Variants in BUB1 observed in about 807,000 individuals in gnomAD.
The protein encoded by BUB1 is BUB1 mitotic checkpoint serine/threonine kinase.
In BUB1, 84 loss-of-function variants were observed where a neutral mutation model predicts 135.2. The observed-to-expected ratio is 0.62, with a 90% CI of 0.52 to 0.74. The LOEUF (loss-of-function observed/expected upper bound fraction) is 0.74. Ranked by LOEUF, BUB1 falls within the 30% of genes least tolerant of loss-of-function variation. The pLI, the probability that BUB1 is intolerant of heterozygous loss-of-function variation, is 0.00. For synonymous variants in BUB1, 403 were observed against 434.4 expected, an observed-to-expected ratio of 0.93 and a Z score of 0.90; for missense variants, 1,162 against 1,288.3, an observed-to-expected ratio of 0.90 and a Z score of 1.50.
chr2:110,650,747 A>C lies in BUB1; in HGVS notation c.2002T>G (p.Ser668Ala). The change falls in exon 18 of 25, where the codon TCT becomes GCT. Residue 668 changes from serine (S) to alanine (A), a missense_variant. Transcript: ENST00000302759. ...AGTAAGGATGCTGAATACATGTGAG[A>C]CGACAAGGCCTGTTTTGGGCTTTTC... ...QEKSPKQALSSHMYSASLLRL... is the reference protein window; with the variant it reads ...QEKSPKQALSAHMYSASLLRL... 2 of 1,614,042 alleles carry C rather than the reference A, an allele frequency of 1.2e-6. No individual in the cohort carries two copies. Among genetic ancestry groups the C allele is most frequent in the Non-Finnish European group, 1.7e-6 (2 of 1,179,956 alleles).
Position 110,666,433 on chromosome 2 carries a change from T to C in BUB1, c.806-19A>G. 7.4e-7 allele frequency: 1 copy of C among 1,344,246 alleles called. No homozygotes were observed. The highest frequency in any genetic ancestry group is 9.7e-7 in the Non-Finnish European group (1 of 1,035,560). The allele number at this position is 1,344,246 out of a possible 1,614,324, so 83.3% of individuals were successfully genotyped here. Reference sequence around the variant, plus strand: ...TCATTTACTTTAGGAAAGATAGAAATGGTTTGCATGCAAAATTTAAATCCA... The same window carrying C: ...TCATTTACTTTAGGAAAGATAGAAACGGTTTGCATGCAAAATTTAAATCCA... On this transcript the variant is annotated intron_variant, in intron 8 of 24. Coordinates refer to ENST00000302759, the MANE Select transcript of BUB1 (RefSeq NM_004336.5).
In BUB1 at chr2:110,642,169, T is replaced by A. The variant is rs1234433177; in HGVS notation, c.2413A>T (p.Thr805Ser). The A allele has an allele frequency of 6.2e-7, 1 of 1,613,840 alleles. No individual in the cohort carries two copies. Among genetic ancestry groups the A allele is most frequent in the South Asian group, 1.1e-5 (1 of 91,036 alleles). ...EGAFAQVYEATQGDLNDAKNK... is the reference protein window; with the variant it reads ...EGAFAQVYEASQGDLNDAKNK... ...TTAGCATCATTCAGATCTCCCTGGG[T>A]AGCTTCGTACACCTGGGCAAAGGCT... The change falls in exon 20 of 25, where the codon ACC (threonine) becomes TCC (serine). Residue 805 changes from threonine to serine, a missense_variant. Transcript: ENST00000302759.
At chr2:110,647,484 T>G (rs1362995709) in intron 19 of BUB1, among the ~76,000 whole-genome samples, 1 of 151,962 alleles carries the variant, frequency 6.6e-6, no homozygotes. Context: ...CAAAGAATCA[T>G]ATAATCATAT....
Position 110,658,670 on chromosome 2 carries a change from T to C in BUB1, c.1349A>G (p.Gln450Arg), listed in dbSNP as rs1191670421. 3 of 1,614,212 alleles carry C rather than the reference T, an allele frequency of 1.9e-6. No individual in the cohort carries two copies. Among genetic ancestry groups the C allele is most frequent in the South Asian group, 1.1e-5 (1 of 91,082 alleles). The change falls in exon 12 of 25, where the codon CAG becomes CGG. Residue 450 changes from glutamine to arginine, a missense_variant. By Grantham distance (43) the Gln-to-Arg change is conservative. Coordinates refer to ENST00000302759, the MANE Select transcript of BUB1 (RefSeq NM_004336.5). ...TGGCTGCACTTTGGATGGCGTTGCC[T>C]GAACCATTCCCAGTGATGTGTTTGG... ...TTPNTSLGMV[Q>R]ATPSKVQPSP...
At chr2:110,666,469 G>C in intron 8 of BUB1, 55 bp from the exon 9 acceptor site, 1 of 1,243,090 alleles carries the variant, frequency 8.0e-7, no homozygotes, top group Non-Finnish European at 1.0e-6. Context: ...GGTCATCATA[G>C]GAATACATGC....
At chr2:110,658,839 T>C (rs1690005177) in intron 11 of BUB1, 97 bp from the exon 12 acceptor site, 2 of 1,467,732 alleles carry the variant, frequency 1.4e-6, no homozygotes, top group Admixed American at 3.9e-5. Flanking sequence ...AAACAGTTTG[T>C]CATTGTTAAA....
chr2:110,676,584 G>T (rs1690592698), intron 1 of BUB1: 1 of 152,106 alleles, frequency 6.6e-6, no homozygotes, highest in Non-Finnish European at 1.5e-5. Context: ...AACCTGTGTT[G>T]ACTGCTTAGA....
At chr2:110,657,143 A>G (rs1689954832) in intron 14 of BUB1, 26 bp from the exon 15 acceptor site, 1 of 1,568,808 alleles carries the variant, frequency 6.4e-7, no homozygotes, top group East Asian at 2.2e-5. Flanking sequence ...CTAAATTATA[A>G]ATAGTAAAAT....
Position 110,670,577 on chromosome 2 carries a change from C to T in BUB1, c.423-9G>A, listed in dbSNP as rs764034689. ...GGCGTGTCTGAAATAACCTAAATGA[C>T]AGCAGAAAAGGCATCAATGTAGATT... is the stretch of plus-strand genomic sequence containing the variant. On this transcript the variant is annotated splice_polypyrimidine_tract_variant and intron_variant, in intron 4 of 24. Coordinates refer to ENST00000302759, the MANE Select transcript of BUB1 (RefSeq NM_004336.5). 15 of 1,613,698 alleles carry T rather than the reference C, an allele frequency of 9.3e-6. No homozygotes were observed. In the East Asian group the frequency reaches 3.3e-4, roughly 36 times the overall value.
chr2:110,669,772 A>G (rs1208720394), intron 5 of BUB1, among the ~76,000 whole-genome samples: 1 of 152,212 alleles, frequency 6.6e-6, no homozygotes, highest in Admixed American at 6.5e-5. Flanking sequence ...AAAGAAATGT[A>G]AAACCTAACT....
rs1009005268 is a variant in BUB1, at chr2:110,640,029, C to A, written c.2956-181G>T. 83 of 675,154 alleles carry A rather than the reference C, an allele frequency of 1.2e-4. No individual in the cohort carries two copies. The East Asian group carries it at 2.4e-3, about 19-fold the overall frequency. 41.8% of individuals were successfully genotyped at this position (675,154 alleles called of 1,614,324 possible). A position where few individuals can be genotyped will look rare whatever the true frequency, so the allele number is the denominator to read the frequency against. ...CTTACTGAATATCTAGGCTTTGCCA[C>A]AGGCTTCCAGTCTCTTGAAAAGCTC... On this transcript the variant is annotated intron_variant, in intron 23 of 24. Transcript: ENST00000302759.
At chr2:110,660,190 G>A (rs1214521813) in intron 10 of BUB1, among the ~76,000 whole-genome samples, 154 bp from the exon 11 acceptor site, 1 of 152,106 alleles carries the variant, frequency 6.6e-6, no homozygotes, top group East Asian at 1.9e-4. Flanking sequence ...TGGCCAATAT[G>A]GTGAAACCCC....
rs1317076317 is a variant in BUB1 at position 110,648,213 on chromosome 2, A to T, written c.2347+1021T>A. On this transcript the variant is annotated intron_variant, in intron 19 of 24. Coordinates refer to ENST00000302759, the MANE Select transcript of BUB1 (RefSeq NM_004336.5). The surrounding 1 kb of genome is among the most constrained non-coding windows in gnomAD (Gnocchi z 4.2). ...CATGCACTAAACATTATTCAGTGAT[A>T]AAAAAAAAAAAGCTATCAAATCATG... Among the ~76,000 whole-genome samples the T allele has an allele frequency of 7.0e-5, 10 of 143,466 alleles. 1 individual carries two copies. The highest frequency in any genetic ancestry group is 1.5e-4 in the African/African-American group (6 of 39,546). 94.1% of individuals were successfully genotyped at this position (143,466 alleles called of 152,430 possible). A position where few individuals can be genotyped will look rare whatever the true frequency, so the allele number is the denominator to read the frequency against.
chr2:110,638,229 A>C, intron 24 of BUB1, 70 bp from the exon 25 acceptor site: 1 of 1,287,836 alleles, frequency 7.8e-7, no homozygotes, highest in Non-Finnish European at 1.1e-6. Context: ...CCACCCCTGC[A>C]TCTGACTTCC....
chr2:110,645,489 A>G (rs1436538855), intron 19 of BUB1, among the ~76,000 whole-genome samples: 1 of 152,038 alleles, frequency 6.6e-6, no homozygotes, highest in Non-Finnish European at 1.5e-5. Context: ...CCATGCTAAC[A>G]CTAATAAAAG....
Position 110,641,175 on chromosome 2 carries a change from T to C in BUB1, c.2814A>G (p.Leu938=). The change falls in exon 23 of 25, where the codon TTA becomes TTG. Residue 938 remains leucine (L), a synonymous_variant. Coordinates refer to ENST00000302759, the MANE Select transcript of BUB1 (RefSeq NM_004336.5). The part of the protein sequence containing the change: ...GFLEQDDEDD[L]SAGLALIDLG... ...GGTCAATCAGTGCCAAGCCAGCAGATAAATCATCTTCATCATCCTGTTCCA... is the reference window on the plus strand; with the variant it reads ...GGTCAATCAGTGCCAAGCCAGCAGACAAATCATCTTCATCATCCTGTTCCA... 6.2e-7 allele frequency: 1 copy of C among 1,606,528 alleles called. No individual in the cohort carries two copies. The highest frequency in any genetic ancestry group is 8.5e-7 in the Non-Finnish European group (1 of 1,177,646).
intron 4 of BUB1, 94 bp downstream of exon 4, chr2:110,672,567 T>C: frequency 7.5e-7 from 1 of 1,333,936 alleles, no homozygotes; most frequent in Non-Finnish European, 1.0e-6. Context: ...ACTAGAAGGA[T>C]TTCCCTGTAC....
Position 110,637,585 on chromosome 2 carries a change from A to AGT in BUB1, c.*377_*378dup, listed in dbSNP as rs5833370. On this transcript the variant is annotated 3_prime_UTR_variant, in exon 25 of 25. Transcript: ENST00000302759. Reference sequence around the variant, plus strand: ...TGAAGTCCCTTGGAAATGTTAGGGAAGTGTGTGTGTGTGTGTGTGTGTGTG... The same window carrying AGT: ...TGAAGTCCCTTGGAAATGTTAGGGAAGTGTGTGTGTGTGTGTGTGTGTGTGTG... 0.37 allele frequency: 54,443 copies of AGT among 147,402 alleles called. 10,501 individuals carry two copies. Among genetic ancestry groups the AGT allele is most frequent in the Admixed American group, 0.45 (6,544 of 14,606 alleles). The allele number at this position is 147,402 out of a possible 1,614,324, so 9.1% of individuals were successfully genotyped here.
intron 4 of BUB1, 25 bp downstream of exon 4, chr2:110,672,636 A>G (rs770327231): frequency 5.9e-6 from 9 of 1,535,294 alleles, no homozygotes; most frequent in Non-Finnish European, 7.9e-6. Context: ...CAGAATCATC[A>G]CAGAGAGTTT....
Sources: gnomAD v4.1 joint callset for allele counts (sites outside exome capture counted in the v4.1 genomes callset) on GRCh38, gnomAD v4.1.1 for gene constraint, Gnocchi (gnomAD v3.1) non-coding constraint, MANE v1.5 for transcripts, NCBI Gene and HGNC (gene_info 2026-07-23, HGNC 2026-07-21) for gene names.